Variants in PIK3R5 observed in about 807,000 individuals in gnomAD.
PIK3R5 encodes the protein phosphoinositide 3-kinase regulatory subunit 5.
PIK3R5 carries 32 observed loss-of-function variants against 94.9 expected under a neutral mutation model. That is an observed-to-expected ratio of 0.34 (90% CI 0.25 to 0.45). PIK3R5 has a LOEUF of 0.45. Ranked by LOEUF, PIK3R5 falls within the 20% of genes least tolerant of loss-of-function variation. PIK3R5 has a pLI of 1.00. For missense variants in PIK3R5, 853 were observed against 1,144.6 expected, an observed-to-expected ratio of 0.75 and a Z score of 3.68; for synonymous variants, 443 against 479.4, an observed-to-expected ratio of 0.92 and a Z score of 0.99.
chr17:8,962,856 T>G (rs1350184341), intron 1 of PIK3R5, among the ~76,000 whole-genome samples: 1 of 152,256 alleles, frequency 6.6e-6, no homozygotes, highest in Non-Finnish European at 1.5e-5. Context: ...AGAAGTCAGA[T>G]GTACTCTTTC....
rs746048242 is a variant in PIK3R5 at position 8,881,588 on chromosome 17, A to C, written c.2382+42T>G. The C allele has an allele frequency of 3.1e-5, 47 of 1,521,732 alleles. No individual in the cohort carries two copies. In the East Asian group the frequency reaches 9.3e-4, roughly 30 times the overall value. 94.3% of individuals were successfully genotyped at this position (1,521,732 alleles called of 1,614,324 possible). On this transcript the variant is annotated intron_variant, in intron 17 of 18. Coordinates refer to ENST00000447110, the MANE Select transcript of PIK3R5 (RefSeq NM_001142633.3). This position sits in a 1 kb window ranked among gnomAD's most constrained non-coding sequence, Gnocchi z 4.8. ...ACATACGCACATGCACGCTCCAGTA[A>C]GTCTCTTGAGGGTATGGCTGGAAGG...
intron 5 of PIK3R5, among the ~76,000 whole-genome samples, chr17:8,902,250 T>TTA (rs60563193): frequency 8.7e-5 from 2 of 22,930 alleles, no homozygotes; most frequent in African/African-American, 4.6e-4. Flanking sequence ...GATATATTAA[T>TTA]TTTTTTTTTT....
At chr17:8,929,275 A>G (rs2090945631) in intron 1 of PIK3R5, among the ~76,000 whole-genome samples, 1 of 152,256 alleles carries the variant, frequency 6.6e-6, no homozygotes, top group South Asian at 2.1e-4. Context: ...GTAGTGAATT[A>G]TAAAACATAA....
At chr17:8,914,645 G>A (rs2090596022) in intron 1 of PIK3R5, among the ~76,000 whole-genome samples, 1 of 152,228 alleles carries the variant, frequency 6.6e-6, no homozygotes, top group Non-Finnish European at 1.5e-5. Context: ...TGAGGATGCT[G>A]CCCTTTGTTC....
chr17:8,884,885 C>T lies in PIK3R5; in HGVS notation c.2129-102G>A. 1.1e-6 allele frequency: 1 copy of T among 910,392 alleles called. No individual in the cohort carries two copies. The highest frequency in any genetic ancestry group is 1.6e-5 in the African/African-American group (1 of 61,972). The allele number at this position is 910,392 out of a possible 1,614,324, so 56.4% of individuals were successfully genotyped here. A position where few individuals can be genotyped will look rare whatever the true frequency, so the allele number is the denominator to read the frequency against. ...TGGGCCTTACCTCCCCATCCCCTAC[C>T]ACATGGACCGTGACTCCCTAGGGAT... On this transcript the variant is annotated intron_variant, in intron 14 of 18. Coordinates refer to ENST00000447110, the MANE Select transcript of PIK3R5 (RefSeq NM_001142633.3). The surrounding 1 kb of genome is among the most constrained non-coding windows in gnomAD (Gnocchi z 5.8).
chr17:8,905,605 C>T (rs2090376984), intron 4 of PIK3R5, 64 bp downstream of exon 4: 2 of 1,238,072 alleles, frequency 1.6e-6, no homozygotes, highest in Non-Finnish European at 2.3e-6. Flanking sequence ...GGGCTCTGCC[C>T]CAGATAGAGG....
chr17:8,935,733 T>C lies in PIK3R5; in HGVS notation c.-13-24226A>G, dbSNP rs1186486090. On this transcript the variant is annotated intron_variant, in intron 1 of 18. Transcript: ENST00000447110. This position sits in a 1 kb window ranked among gnomAD's most constrained non-coding sequence, Gnocchi z 4.5. ...AGCTCCCGGACAGCTCCTGGCAGGA[T>C]GGGGCTTGGCATCGGATTTCAGTCA... 6.6e-6 allele frequency among the ~76,000 whole-genome samples: 1 copy of C among 152,074 alleles called. No individual in the cohort carries two copies. Among genetic ancestry groups the C allele is most frequent in the Non-Finnish European group, 1.5e-5 (1 of 67,990 alleles).
chr17:8,944,677 C>G (rs928827074), intron 1 of PIK3R5, among the ~76,000 whole-genome samples: 4 of 152,148 alleles, frequency 2.6e-5, no homozygotes, highest in Admixed American at 2.6e-4. Flanking sequence ...CTCTCCAGAC[C>G]TGTCTTCAGG....
At position 8,880,710 on chromosome 17, in the gene PIK3R5, C is replaced by T; in HGVS notation, c.2572G>A (p.Ala858Thr). ...GAGCAGAGATCAGGTGCGGCCTGGGCCGGCAGGTCAGGAGGCGTCTGGGGT... is the reference window on the plus strand; with the variant it reads ...GAGCAGAGATCAGGTGCGGCCTGGGTCGGCAGGTCAGGAGGCGTCTGGGGT... ...SPPQTPPDLP[A>T]QAAPDLCSLL... is the part of the protein sequence containing the mutation. Residue 858 changes from alanine (A) to threonine (T), a missense_variant, in exon 19 of 19, where the codon GCC becomes ACC. Physicochemically the swap from Ala to Thr is moderately conservative, Grantham distance 58. Transcript: ENST00000447110. The T allele has an allele frequency of 6.2e-7, 1 of 1,613,902 alleles. No individual in the cohort carries two copies. The highest frequency in any genetic ancestry group is 8.5e-7 in the Non-Finnish European group (1 of 1,179,928).
chr17:8,912,859 G>A (rs1409287693), intron 1 of PIK3R5, among the ~76,000 whole-genome samples: 3 of 152,246 alleles, frequency 2.0e-5, no homozygotes, highest in African/African-American at 7.2e-5. Context: ...AGCCCTTTGT[G>A]AGCTCTCCAG....
chr17:8,943,192 A>G (rs2091217103), intron 1 of PIK3R5, among the ~76,000 whole-genome samples: 1 of 151,846 alleles, frequency 6.6e-6, no homozygotes, highest in Non-Finnish European at 1.5e-5. Flanking sequence ...CTCCCACCTC[A>G]GCCTCCTGAG....
Position 8,881,532 on chromosome 17 carries a change from C to CACACACATACATGTGCACACACACGT in PIK3R5, c.2382+72_2382+97dup. ...ACACGGGTGTGTATGTGCACACATG[C>CACACACATACATGTGCACACACACGT]ACACACATACATGTGCACACACACG... On this transcript the variant is annotated intron_variant, in intron 17 of 18. Coordinates refer to ENST00000447110, the MANE Select transcript of PIK3R5 (RefSeq NM_001142633.3). The surrounding 1 kb of genome is among the most constrained non-coding windows in gnomAD (Gnocchi z 4.8). 1 of 927,980 alleles carries CACACACATACATGTGCACACACACGT rather than the reference C, an allele frequency of 1.1e-6. No homozygotes were observed. The highest frequency in any genetic ancestry group is 1.7e-6 in the Non-Finnish European group (1 of 580,002). 57.5% of individuals were successfully genotyped at this position (927,980 alleles called of 1,614,324 possible).
intron 6 of PIK3R5, among the ~76,000 whole-genome samples, chr17:8,891,590 C>A (rs1052180139): frequency 2.6e-5 from 4 of 151,458 alleles, no homozygotes; most frequent in Non-Finnish European, 5.9e-5. Flanking sequence ...TATTATGGAA[C>A]CTTTCTCTTT....
rs142118268 is a variant in PIK3R5 at position 8,959,050 on chromosome 17, G to A, written c.-14+6546C>T. 6.6e-5 allele frequency among the ~76,000 whole-genome samples: 10 copies of A among 152,206 alleles called. No individual in the cohort carries two copies. In the East Asian group the frequency reaches 1.5e-3, roughly 23 times the overall value. On this transcript the variant is annotated intron_variant, in intron 1 of 18. Coordinates refer to ENST00000447110, the MANE Select transcript of PIK3R5 (RefSeq NM_001142633.3). ...TGGGATTACAGGTGTGAGCCACCACGCAGGGCCTTCTCTTTCACTCTTTAA... is the reference window on the plus strand; with the variant it reads ...TGGGATTACAGGTGTGAGCCACCACACAGGGCCTTCTCTTTCACTCTTTAA...
At chr17:8,922,768 G>C (rs1156435793) in intron 1 of PIK3R5, among the ~76,000 whole-genome samples, 1 of 152,152 alleles carries the variant, frequency 6.6e-6, no homozygotes, top group Non-Finnish European at 1.5e-5. Flanking sequence ...AGATGAGTCT[G>C]TTACAGCAGT....
intron 5 of PIK3R5, among the ~76,000 whole-genome samples, chr17:8,897,827 G>T (rs139041637): frequency 6.6e-6 from 1 of 152,296 alleles, no homozygotes; most frequent in African/African-American, 2.4e-5. Context: ...GGTGACTTTT[G>T]CCAAGGATGG....
chr17:8,962,624 G>A (rs989852320), intron 1 of PIK3R5, among the ~76,000 whole-genome samples: 3 of 152,170 alleles, frequency 2.0e-5, no homozygotes, highest in African/African-American at 4.8e-5. Flanking sequence ...GCCATCAATT[G>A]TAAGATGCAC....
chr17:8,887,414 A>G, intron 11 of PIK3R5, 107 bp downstream of exon 11: 1 of 1,334,134 alleles, frequency 7.5e-7, no homozygotes, highest in African/African-American at 1.5e-5. Flanking sequence ...AGGCAGGGGG[A>G]GGTGCCCTGT....
At chr17:8,963,859 C>T (rs1197817288) in intron 1 of PIK3R5, among the ~76,000 whole-genome samples, 3 of 152,092 alleles carry the variant, frequency 2.0e-5, no homozygotes, top group African/African-American at 4.8e-5. Flanking sequence ...ACACAAAGAC[C>T]CCAAGCCTTC....
Sources: allele counts gnomAD v4.1 joint callset (sites outside exome capture counted in the v4.1 genomes callset), GRCh38; gene constraint gnomAD v4.1.1; non-coding constraint Gnocchi (gnomAD v3.1); transcripts MANE v1.5; gene names NCBI Gene and HGNC (gene_info 2026-07-23, HGNC 2026-07-21).